APC: variants seen among roughly 807,000 people sequenced by gnomAD.
APC encodes APC regulator of Wnt signaling pathway, also known as adenomatous polyposis coli protein.
APC carries 72 observed loss-of-function variants against 247.0 expected under a neutral mutation model. The ratio of observed to expected loss-of-function variants is 0.29; its 90% CI spans 0.24 to 0.35. The LOEUF is 0.35. APC is among the 10% of genes least tolerant of loss of function. The pLI is 1.00. For missense variants in APC, 3,400 were observed against 3,360.7 expected (o/e 1.01, Z -0.29); for synonymous variants, 1,254 against 1,162.5 (o/e 1.08, Z -1.60).
At chr5:112,791,622 A>G (rs550779533) in intron 6 of APC, among the ~76,000 whole-genome samples, 1 of 152,194 alleles carries the variant, frequency 6.6e-6, no homozygotes, top group South Asian at 2.1e-4. Flanking sequence ...TCAGTAGACA[A>G]ATTTCTTCCA....
At chr5:112,708,104 C>T (rs993201505) in intron 1 of APC, among the ~76,000 whole-genome samples, 1 of 152,300 alleles carries the variant, frequency 6.6e-6, no homozygotes, top group African/African-American at 2.4e-5. Context: ...CGACGCCCGC[C>T]GTCCTCCACC....
chr5:112,753,435 T>A (rs537166184), intron 1 of APC, among the ~76,000 whole-genome samples: 2 of 152,294 alleles, frequency 1.3e-5, no homozygotes, highest in Admixed American at 1.3e-4. Flanking sequence ...TTTTTATTAA[T>A]CCTAATAATA....
At chr5:112,813,643 C>T (rs1386355940) in intron 8 of APC, among the ~76,000 whole-genome samples, 1 of 151,860 alleles carries the variant, frequency 6.6e-6, no homozygotes, top group Non-Finnish European at 1.5e-5. Context: ...CATAGCTGGG[C>T]TCATTGGCTC....
At chr5:112,828,100 A>G (rs1580570283) in intron 13 of APC, 94 bp downstream of exon 13, 1 of 1,017,458 alleles carries the variant, frequency 9.8e-7, no homozygotes, top group South Asian at 1.3e-5. Context: ...CAGTTGTGCA[A>G]TCTCAGCTCA....
intron 8 of APC, among the ~76,000 whole-genome samples, chr5:112,804,561 G>A (rs1307980206): frequency 6.6e-6 from 1 of 152,100 alleles, no homozygotes; most frequent in Non-Finnish European, 1.5e-5. Context: ...TGTATTTTTA[G>A]TAGATACAGG....
At chr5:112,776,756 A>C (rs1757695110) in intron 5 of APC, among the ~76,000 whole-genome samples, 1 of 152,062 alleles carries the variant, frequency 6.6e-6, no homozygotes, top group African/African-American at 2.4e-5. Flanking sequence ...CAGGAAAAGC[A>C]CTTGAACCTG....
rs1673216741 is a variant in APC at position 112,846,229 on chromosome 5, A to G, written c.*2103A>G. 4.4e-6 allele frequency: 1 copy of G among 229,310 alleles called. No homozygotes were observed. The highest frequency in any genetic ancestry group is 8.6e-6 in the Non-Finnish European group (1 of 115,692). The allele number at this position is 229,310 out of a possible 1,614,324, so 14.2% of individuals were successfully genotyped here. On this transcript the variant is annotated 3_prime_UTR_variant, in exon 16 of 16. Transcript: ENST00000257430. ...TTTCCCAGGCTTCCATAAACAATGG[A>G]GATACATGCATATAGGTCATACTGG...
rs947915191 is a variant in APC, at chr5:112,844,258, T to C, written c.*132T>C. 2.9e-5 allele frequency: 25 copies of C among 849,576 alleles called. No homozygotes were observed. The highest frequency in any genetic ancestry group is 4.1e-5 in the Non-Finnish European group (23 of 554,960). 52.6% of individuals were successfully genotyped at this position (849,576 alleles called of 1,614,324 possible). Reference sequence around the variant, plus strand: ...TTTGATTCTTGTTAGAGGGTTTTTGTTCTGGAAGCCATATTTGATAGTATA... The same window carrying C: ...TTTGATTCTTGTTAGAGGGTTTTTGCTCTGGAAGCCATATTTGATAGTATA... On this transcript the variant is annotated 3_prime_UTR_variant, in exon 16 of 16. Transcript: ENST00000257430.
At chr5:112,749,091 G>A (rs1754002093) in intron 1 of APC, among the ~76,000 whole-genome samples, 1 of 152,068 alleles carries the variant, frequency 6.6e-6, no homozygotes, top group Non-Finnish European at 1.5e-5. Context: ...TTTTAATGTA[G>A]CGAGTGACAC....
intron 15 of APC, among the ~76,000 whole-genome samples, chr5:112,836,571 C>T (rs1019710924): frequency 6.6e-5 from 10 of 152,162 alleles, no homozygotes; most frequent in African/African-American, 1.9e-4. Context: ...CAAGCTGTTG[C>T]TCTTTCATGT....
rs2149614121 is a variant in APC, at chr5:112,775,611, TTA to T, written c.423-17_423-16del. The T allele has an allele frequency of 2.7e-6, 4 of 1,495,366 alleles. No homozygotes were observed. The highest frequency in any genetic ancestry group is 1.4e-5 in the African/African-American group (1 of 71,780). The allele number at this position is 1,495,366 out of a possible 1,614,324, so 92.6% of individuals were successfully genotyped here. A position where few individuals can be genotyped will look rare whatever the true frequency, so the allele number is the denominator to read the frequency against. On this transcript the variant is annotated splice_polypyrimidine_tract_variant and intron_variant, in intron 4 of 15. Transcript: ENST00000257430. Reference sequence around the variant, plus strand: ...TAGCATTGTTTAAACGTACCTTTTTTTAAAAAAAAAAAAATAGGTCATTGCTT... The same window carrying T: ...TAGCATTGTTTAAACGTACCTTTTTTAAAAAAAAAAAATAGGTCATTGCTT...
At chr5:112,804,686 C>G (rs901988680) in intron 8 of APC, among the ~76,000 whole-genome samples, 2 of 152,136 alleles carry the variant, frequency 1.3e-5, no homozygotes, top group Non-Finnish European at 2.9e-5. Flanking sequence ...CCAATTACAA[C>G]TTTTTTAATT....
rs1561583350 is a variant in APC, at chr5:112,838,848, A to C, written c.3254A>C (p.Lys1085Thr). ...YPVYTESTDDKHLKFQPHFGQ... is the reference protein window; with the variant it reads ...YPVYTESTDDTHLKFQPHFGQ... Reference sequence around the variant, plus strand: ...GTTTATACTGAGAGCACTGATGATAAACACCTCAAGTTCCAACCACATTTT... The same window carrying C: ...GTTTATACTGAGAGCACTGATGATACACACCTCAAGTTCCAACCACATTTT... Residue 1085 changes from lysine to threonine, a missense_variant, in exon 16 of 16, where the codon AAA becomes ACA. Physicochemically the swap from Lys to Thr is moderately conservative, Grantham distance 78. Around this residue, in one of 9 missense-constraint regions of APC, gnomAD observed 715 missense variants for 656.6 expected, o/e 1.09. Transcript: ENST00000257430. 2 of 1,614,044 alleles carry C rather than the reference A, an allele frequency of 1.2e-6. No individual in the cohort carries two copies. Among genetic ancestry groups the C allele is most frequent in the Non-Finnish European group, 1.7e-6 (2 of 1,180,042 alleles).
At position 112,844,178 on chromosome 5, in the gene APC, A is replaced by G. The variant is rs770220570; in HGVS notation, c.*52A>G. On this transcript the variant is annotated 3_prime_UTR_variant, in exon 16 of 16. Transcript: ENST00000257430. ...ATTCTATGTTAATTACAACTGCTAT[A>G]TAGACATTTTGTTTCAAATGAAACT... 1.7e-5 allele frequency: 25 copies of G among 1,485,490 alleles called. No homozygotes were observed. The highest frequency in any genetic ancestry group is 2.2e-5 in the Non-Finnish European group (24 of 1,080,522). The allele number at this position is 1,485,490 out of a possible 1,614,324, so 92.0% of individuals were successfully genotyped here. A position where few individuals can be genotyped will look rare whatever the true frequency, so the allele number is the denominator to read the frequency against.
intron 5 of APC, among the ~76,000 whole-genome samples, chr5:112,776,870 A>AT (rs1580364397): frequency 6.6e-6 from 1 of 152,030 alleles, no homozygotes; most frequent in East Asian, 1.9e-4. Context: ...AATAAAAAAA[A>AT]AAATAAATGA....
Position 112,840,844 on chromosome 5 carries a change from C to G in APC, c.5250C>G (p.Val1750=), listed in dbSNP as rs2229997. The G allele has an allele frequency of 8.4e-4, 1,353 of 1,614,022 alleles. 14 individuals carry two copies. The African/African-American group carries it at 0.016, about 19-fold the overall frequency. Residue 1750 remains valine (V), a synonymous_variant, in exon 16 of 16, where the codon GTC becomes GTG. Transcript: ENST00000257430. This position sits in a 1 kb window ranked among gnomAD's most constrained non-coding sequence, Gnocchi z 4.1. ...PFRVKKIMDQ[V]QQASASSSAP... The stretch of plus-strand genomic sequence containing the variant: ...GTGTGAAAAAGATAATGGACCAGGT[C>G]CAGCAAGCATCTGCGTCTTCTTCTG...
At chr5:112,783,796 G>GAAAGA (rs745438386) in intron 6 of APC, 2 of 374,464 alleles carry the variant, frequency 5.3e-6, no homozygotes, top group Non-Finnish European at 1.0e-5. Context: ...AGAAAGAAAG[G>GAAAGA]AAAGAAAAGA....
At chr5:112,791,998 A>G (rs1473035128) in intron 6 of APC, among the ~76,000 whole-genome samples, 1 of 152,128 alleles carries the variant, frequency 6.6e-6, no homozygotes, top group Non-Finnish European at 1.5e-5. Flanking sequence ...GTAAGCCCAC[A>G]GCACTTTGGG....
intron 1 of APC, among the ~76,000 whole-genome samples, chr5:112,720,909 CAG>C (rs780816501): frequency 2.0e-5 from 3 of 152,044 alleles, no homozygotes; most frequent in Non-Finnish European, 4.4e-5. Context: ...TACCAGGTAA[CAG>C]AGGGAGAGAA....
Sources: allele counts gnomAD v4.1 joint callset (sites outside exome capture counted in the v4.1 genomes callset), GRCh38; gene constraint gnomAD v4.1.1; regional missense constraint gnomAD v4.1.1; non-coding constraint Gnocchi (gnomAD v3.1); transcripts MANE v1.5; gene names NCBI Gene and HGNC (gene_info 2026-07-23, HGNC 2026-07-21).